The following HOXC10 variants were observed in gnomAD, a reference collection of about 807,000 sequenced individuals.
HOXC10 encodes homeobox protein Hox-C10.
HOXC10 carries 15 observed loss-of-function variants against 26.0 expected under a neutral mutation model. The observed-to-expected ratio is 0.58, with a 90% CI of 0.39 to 0.89. The LOEUF is 0.89. Ranked by LOEUF, HOXC10 falls within the 40% of genes least tolerant of loss-of-function variation. HOXC10 has a pLI of 0.00. For missense variants in HOXC10, 446 were observed against 451.9 expected (o/e 0.99, Z 0.12); for synonymous variants, 196 against 185.5 (o/e 1.06, Z -0.46).
In HOXC10 at chr12:53,989,761, G is replaced by A. The variant is rs1939668145; in HGVS notation, c.*315G>A. On this transcript the variant is annotated 3_prime_UTR_variant, in exon 2 of 2. Transcript: ENST00000303460. ...TCACACACAGCATTCTGTTCTCCAT[G>A]CAAAGTTAAGATCGAATCCATCCGC... is the stretch of plus-strand genomic sequence containing the variant. 3.1e-6 allele frequency: 1 copy of A among 319,880 alleles called. No individual in the cohort carries two copies. Among genetic ancestry groups the A allele is most frequent in the South Asian group, 8.8e-5 (1 of 11,348 alleles). The allele number at this position is 319,880 out of a possible 1,614,324, so 19.8% of individuals were successfully genotyped here.
At position 53,989,551 on chromosome 12, in the gene HOXC10, G is replaced by A; in HGVS notation, c.*105G>A. ...TTTCCTCCCTGAGTATAAATGCAAT[G>A]CGACTGCAAAAAAGGCAAAGACCTC... On this transcript the variant is annotated 3_prime_UTR_variant, in exon 2 of 2. Transcript: ENST00000303460. The A allele has an allele frequency of 8.5e-7, 1 of 1,177,312 alleles. No homozygotes were observed. Among genetic ancestry groups the A allele is most frequent in the Non-Finnish European group, 1.2e-6 (1 of 848,956 alleles). The allele number at this position is 1,177,312 out of a possible 1,614,324, so 72.9% of individuals were successfully genotyped here. A position where few individuals can be genotyped will look rare whatever the true frequency, so the allele number is the denominator to read the frequency against.
rs1320661136 is a variant in HOXC10, at chr12:53,985,714, G to A, written c.455G>A (p.Ser152Asn). 3 of 1,610,776 alleles carry A rather than the reference G, an allele frequency of 1.9e-6. No individual in the cohort carries two copies. Among genetic ancestry groups the A allele is most frequent in the Admixed American group, 3.3e-5 (2 of 59,980 alleles). The change falls in exon 1 of 2, where the codon AGC becomes AAC. Residue 152 changes from serine (S) to asparagine (N), a missense_variant. By Grantham distance (46) the Ser-to-Asn change is conservative. Transcript: ENST00000303460. ...EVPVPSYYRA[S>N]PSYSALDKTP... ...CCCGTGCCCAGCTACTACCGCGCCA[G>A]CCCGAGCTACTCCGCGCTGGACAAG...
At chr12:53,989,054 A>G in intron 1 of HOXC10, 115 bp from the exon 2 acceptor site, 1 of 867,922 alleles carries the variant, frequency 1.2e-6, no homozygotes, top group South Asian at 1.9e-5. Flanking sequence ...CCCTGGGGCA[A>G]GAGCAGCTCC....
chr12:53,987,389 T>A (rs886470251), intron 1 of HOXC10, among the ~76,000 whole-genome samples: 2 of 152,160 alleles, frequency 1.3e-5, no homozygotes, highest in South Asian at 4.1e-4. Context: ...ATAGAGACAC[T>A]GACTGGAAGA....
In HOXC10 at chr12:53,985,481, G is replaced by A. The variant is rs1939416558; in HGVS notation, c.222G>A (p.Ser74=). 1.2e-6 allele frequency: 2 copies of A among 1,613,422 alleles called. No homozygotes were observed. The highest frequency in any genetic ancestry group is 1.1e-5 in the South Asian group (1 of 91,086). ...TCAACACCTATCCGTCCTACCTCTC[G>A]CAGCTGGACTCCTGGGGCGACCCCA... is the stretch of plus-strand genomic sequence containing the variant. The part of the protein sequence containing the change: ...LALNTYPSYL[S]QLDSWGDPKA... Residue 74 remains serine (S), a synonymous_variant, in exon 1 of 2, where the codon TCG becomes TCA. Coordinates refer to ENST00000303460, the MANE Select transcript of HOXC10 (RefSeq NM_017409.4).
At chr12:53,987,986 T>G (rs1939464066) in intron 1 of HOXC10, among the ~76,000 whole-genome samples, 1 of 152,186 alleles carries the variant, frequency 6.6e-6, no homozygotes, top group Non-Finnish European at 1.5e-5. Flanking sequence ...GTGTGTTTTC[T>G]GGTTCCTCTT....
Position 53,985,524 on chromosome 12 carries a change from G to C in HOXC10, c.265G>C (p.Glu89Gln). The change falls in exon 1 of 2, where the codon GAA becomes CAA. Residue 89 changes from glutamate to glutamine, a missense_variant. By Grantham distance (29) the Glu-to-Gln change is conservative. Coordinates refer to ENST00000303460, the MANE Select transcript of HOXC10 (RefSeq NM_017409.4). ...WGDPKAAYRL[E>Q]QPVGRPLSSC... ...CGACCCCAAAGCCGCCTATCGCCTG[G>C]AACAACCTGTTGGCAGGCCGCTGTC... The C allele has an allele frequency of 6.2e-7, 1 of 1,613,898 alleles. No homozygotes were observed. Among genetic ancestry groups the C allele is most frequent in the South Asian group, 1.1e-5 (1 of 91,090 alleles).
chr12:53,989,111 C>A lies in HOXC10; in HGVS notation c.752-58C>A. On this transcript the variant is annotated intron_variant, in intron 1 of 1. Transcript: ENST00000303460. ...CACAGCAGGCTGGCAAAGGCTGCAGCGCTGAGAGGGTTTTCGACTTCGAGG... is the reference window on the plus strand; with the variant it reads ...CACAGCAGGCTGGCAAAGGCTGCAGAGCTGAGAGGGTTTTCGACTTCGAGG... 4.7e-6 allele frequency: 7 copies of A among 1,489,232 alleles called. No homozygotes were observed. The South Asian group carries it at 6.7e-5, about 14-fold the overall frequency. 92.3% of individuals were successfully genotyped at this position (1,489,232 alleles called of 1,614,324 possible).
chr12:53,986,564 GC>G (rs2136384415), intron 1 of HOXC10: 1 of 152,492 alleles, frequency 6.6e-6, no homozygotes, highest in East Asian at 1.9e-4. Flanking sequence ...TTTTGGCTCG[GC>G]CGGGGGCCTT....
In HOXC10 at chr12:53,989,613, G is replaced by A. The variant is rs1294612855; in HGVS notation, c.*167G>A. ...CCAAGGGACCTGTGGTTCGTGCTGC[G>A]AAGATGCTTCCACTTAAAGCATGAG... On this transcript the variant is annotated 3_prime_UTR_variant, in exon 2 of 2. Coordinates refer to ENST00000303460, the MANE Select transcript of HOXC10 (RefSeq NM_017409.4). The A allele has an allele frequency of 8.8e-6, 6 of 682,494 alleles. No individual in the cohort carries two copies. The highest frequency in any genetic ancestry group is 7.3e-5 in the African/African-American group (4 of 55,108). The allele number at this position is 682,494 out of a possible 1,614,324, so 42.3% of individuals were successfully genotyped here.
intron 1 of HOXC10, chr12:53,986,809 G>A (rs1939443871): frequency 1.3e-5 from 2 of 152,202 alleles, no homozygotes; most frequent in South Asian, 4.1e-4. Context: ...TGTGTGCGTG[G>A]CAAGAGGTTT....
Position 53,985,303 on chromosome 12 carries a change from C to G in HOXC10, c.44C>G (p.Pro15Arg), listed in dbSNP as rs763162429. Reference protein sequence around the residue: ...RNVTPNSYAEPLAAPGGGERY... With the variant: ...RNVTPNSYAERLAAPGGGERY... ...GTAACTCCGAACTCGTACGCGGAGCCCTTGGCTGCGCCCGGCGGAGGAGAG... is the reference window on the plus strand; with the variant it reads ...GTAACTCCGAACTCGTACGCGGAGCGCTTGGCTGCGCCCGGCGGAGGAGAG... Residue 15 changes from proline (P) to arginine (R), a missense_variant, in exon 1 of 2, where the codon CCC becomes CGC. Coordinates refer to ENST00000303460, the MANE Select transcript of HOXC10 (RefSeq NM_017409.4). 3.8e-6 allele frequency: 6 copies of G among 1,592,712 alleles called. No individual in the cohort carries two copies. The Admixed American group carries it at 5.4e-5, about 14-fold the overall frequency.
At chr12:53,987,607 A>C (rs1206717342) in intron 1 of HOXC10, among the ~76,000 whole-genome samples, 1 of 152,130 alleles carries the variant, frequency 6.6e-6, no homozygotes, top group Non-Finnish European at 1.5e-5. Context: ...TTCACCTCTT[A>C]ACTCGACCTG....
At chr12:53,988,612 G>T (rs1349401990) in intron 1 of HOXC10, among the ~76,000 whole-genome samples, 1 of 152,222 alleles carries the variant, frequency 6.6e-6, no homozygotes, top group East Asian at 1.9e-4. Flanking sequence ...GAGTCACTCT[G>T]TGGCAGCTCA....
At chr12:53,988,229 C>T (rs1592201913) in intron 1 of HOXC10, among the ~76,000 whole-genome samples, 1 of 152,128 alleles carries the variant, frequency 6.6e-6, no homozygotes, top group Non-Finnish European at 1.5e-5. Flanking sequence ...TAGAGGCTGT[C>T]AATAAGCTCA....
intron 1 of HOXC10, 96 bp downstream of exon 1, chr12:53,986,106 GC>G: frequency 1.5e-6 from 2 of 1,305,368 alleles, no homozygotes; most frequent in Non-Finnish European, 2.0e-6. Context: ...GGCCCAGGAG[GC>G]CCCAGACCAT....
At position 53,986,018 on chromosome 12, in the gene HOXC10, C is replaced by T; in HGVS notation, c.751+8C>T. 1 of 1,541,044 alleles carries T rather than the reference C, an allele frequency of 6.5e-7. No homozygotes were observed. The highest frequency in any genetic ancestry group is 1.8e-4 in the Middle Eastern group (1 of 5,690). On this transcript the variant is annotated splice_region_variant and intron_variant, in intron 1 of 1. Coordinates refer to ENST00000303460, the MANE Select transcript of HOXC10 (RefSeq NM_017409.4). Reference sequence around the variant, plus strand: ...CGGATAACGAAGCGAAAGGTAAGGCCGCCTGGGCCGCGGGCGCCACTGGGA... The same window carrying T: ...CGGATAACGAAGCGAAAGGTAAGGCTGCCTGGGCCGCGGGCGCCACTGGGA...
At position 53,989,405 on chromosome 12, in the gene HOXC10, A is replaced by G. The variant is rs1346960844; in HGVS notation, c.988A>G (p.Asn330Asp). 2 of 1,613,926 alleles carry G rather than the reference A, an allele frequency of 1.2e-6. No individual in the cohort carries two copies. The highest frequency in any genetic ancestry group is 1.7e-6 in the Non-Finnish European group (2 of 1,179,994). Residue 330 changes from asparagine (N) to aspartate (D), a missense_variant, in exon 2 of 2, where the codon AAT (asparagine) becomes GAT (aspartate). Coordinates refer to ENST00000303460, the MANE Select transcript of HOXC10 (RefSeq NM_017409.4). The part of the protein sequence containing the change: ...RMKLKKMNRE[N>D]RIRELTSNFN... The stretch of plus-strand genomic sequence containing the variant: ...GAAACTCAAGAAAATGAACCGAGAG[A>G]ATCGGATCCGGGAACTGACCTCCAA...
Position 53,985,648 on chromosome 12 carries a change from C to T in HOXC10, c.389C>T (p.Ser130Phe). 1 of 1,613,618 alleles carries T rather than the reference C, an allele frequency of 6.2e-7. No individual in the cohort carries two copies. The highest frequency in any genetic ancestry group is 8.5e-7 in the Non-Finnish European group (1 of 1,179,864). ...AKSGPEAALY[S>F]HPLPESCLGE... ...AGTGGCCCCGAGGCAGCTCTCTACT[C>T]CCACCCCTTGCCGGAGTCCTGCCTT... Residue 130 changes from serine (S) to phenylalanine (F), a missense_variant, in exon 1 of 2, where the codon TCC (serine) becomes TTC (phenylalanine). Physicochemically the swap from Ser to Phe is radical, Grantham distance 155 (BLOSUM62 -2). Coordinates refer to ENST00000303460, the MANE Select transcript of HOXC10 (RefSeq NM_017409.4).
Sources: allele counts gnomAD v4.1 joint callset (sites outside exome capture counted in the v4.1 genomes callset), GRCh38; gene constraint gnomAD v4.1.1; transcripts MANE v1.5; gene names NCBI Gene and HGNC (gene_info 2026-07-23, HGNC 2026-07-21).